EPM2A: variants seen among roughly 807,000 people sequenced by gnomAD.
EPM2A encodes the protein laforin.
Under a neutral mutation model 26.5 loss-of-function variants are expected in EPM2A, and 21 were observed. The ratio of observed to expected loss-of-function variants is 0.79; its 90% CI spans 0.56 to 1.14. The LOEUF (loss-of-function observed/expected upper bound fraction) is 1.14. Among genes scored for constraint, EPM2A ranks in the 50% most tolerant of loss-of-function variants. The pLI is 0.00. For missense variants in EPM2A, 458 were observed against 440.8 expected, an observed-to-expected ratio of 1.04 and a Z score of -0.35; for synonymous variants, 217 against 177.6, an observed-to-expected ratio of 1.22 and a Z score of -1.76.
At chr6:145,616,174 A>G (rs569241470) in intron 2 of EPM2A, among the ~76,000 whole-genome samples, 1 of 152,322 alleles carries the variant, frequency 6.6e-6, no homozygotes, top group Admixed American at 6.5e-5. Context: ...CAGGATCCCC[A>G]TGCTATGTGC....
At chr6:145,441,229 C>T (rs140538684) in intron 4 of EPM2A, among the ~76,000 whole-genome samples, 8 of 152,308 alleles carry the variant, frequency 5.3e-5, no homozygotes, top group Admixed American at 4.6e-4. Flanking sequence ...AAGCCATGGC[C>T]CAACTTGTAC....
intron 4 of EPM2A, among the ~76,000 whole-genome samples, chr6:145,389,928 T>C (rs1338405620): frequency 6.6e-6 from 1 of 152,240 alleles, no homozygotes; most frequent in Admixed American, 6.5e-5. Context: ...ATTCTCATGA[T>C]GGAACAAAAT....
intron 2 of EPM2A, among the ~76,000 whole-genome samples, chr6:145,538,127 G>A (rs1052201892): frequency 2.0e-5 from 3 of 152,084 alleles, no homozygotes; most frequent in African/African-American, 7.2e-5. Context: ...CCCAGTAATG[G>A]GATTGCTGGG....
chr6:145,735,695 G>A (rs1240068654), upstream of EPM2A: 1 of 1,046,548 alleles, frequency 9.6e-7, no homozygotes, highest in Non-Finnish European at 1.2e-6. Flanking sequence ...CCGGCGGGAA[G>A]GGGTCAGCGG....
chr6:145,536,925 T>G (rs1381256407), intron 2 of EPM2A, among the ~76,000 whole-genome samples: 3 of 152,156 alleles, frequency 2.0e-5, no homozygotes, highest in Non-Finnish European at 2.9e-5. Flanking sequence ...AGGCTTCAGG[T>G]GTGCCCTGAT....
chr6:145,422,057 G>GTATATATATA (rs67264730), intron 4 of EPM2A, among the ~76,000 whole-genome samples: 1 of 131,728 alleles, frequency 7.6e-6, no homozygotes, highest in Non-Finnish European at 1.6e-5. Context: ...ATATATGAGT[G>GTATATATATA]TATATATATA....
intron 4 of EPM2A, among the ~76,000 whole-genome samples, chr6:145,471,352 A>C (rs1029737380): frequency 6.6e-6 from 1 of 152,138 alleles, no homozygotes; most frequent in Non-Finnish European, 1.5e-5. Context: ...AGATGGTGGA[A>C]TAGAAAGCTC....
intron 4 of EPM2A, among the ~76,000 whole-genome samples, chr6:145,445,774 T>C (rs1392827049): frequency 6.6e-6 from 1 of 152,182 alleles, no homozygotes; most frequent in Non-Finnish European, 1.5e-5. Context: ...ACTTTTGATA[T>C]CTCCATGTAG....
chr6:145,415,290 T>G (rs1778693528), intron 4 of EPM2A, among the ~76,000 whole-genome samples: 1 of 152,230 alleles, frequency 6.6e-6, no homozygotes, highest in African/African-American at 2.4e-5. Context: ...TACTGTTGGC[T>G]TTCATAAAAT....
chr6:145,648,654 G>A (rs1324005387), intron 2 of EPM2A, among the ~76,000 whole-genome samples: 1 of 152,126 alleles, frequency 6.6e-6, no homozygotes. Flanking sequence ...CCTCAATTAA[G>A]TTCAGAATAT....
chr6:145,415,507 C>T (rs1778696457), intron 4 of EPM2A, among the ~76,000 whole-genome samples: 1 of 152,128 alleles, frequency 6.6e-6, no homozygotes, highest in Non-Finnish European at 1.5e-5. Flanking sequence ...CGTTTTACTT[C>T]CAGTTATTTC....
chr6:145,559,114 T>G (rs188915891), intron 2 of EPM2A, among the ~76,000 whole-genome samples: 1 of 152,260 alleles, frequency 6.6e-6, no homozygotes, highest in Non-Finnish European at 1.5e-5. Flanking sequence ...AAAGAGATCA[T>G]CAGTAACTTT....
chr6:145,627,720 T>C (rs1245967928), intron 3 of EPM2A, 27 bp from the exon 4 acceptor site: 1 of 1,612,032 alleles, frequency 6.2e-7, no homozygotes. Context: ...ACAGCACACA[T>C]GTGAATAACT....
At chr6:145,698,317 C>T (rs186043277) in intron 1 of EPM2A, among the ~76,000 whole-genome samples, 19 of 152,228 alleles carry the variant, frequency 1.2e-4, no homozygotes, top group Middle Eastern at 3.4e-3. Context: ...TCCAGTATGA[C>T]GCGTTAGCCC....
At chr6:145,612,515 C>A (rs1027368679) in intron 2 of EPM2A, among the ~76,000 whole-genome samples, 4 of 151,932 alleles carry the variant, frequency 2.6e-5, no homozygotes, top group African/African-American at 9.7e-5. Flanking sequence ...TTCATGAGGT[C>A]ATTCACTGGG....
At chr6:145,490,146 T>G (rs139289751) in intron 4 of EPM2A, 2 of 1,096,956 alleles carry the variant, frequency 1.8e-6, no homozygotes, top group Non-Finnish European at 2.7e-6. Context: ...TTTGCACACG[T>G]TTCTACTGAA....
At chr6:145,668,346 A>T (rs117443605) in intron 2 of EPM2A, among the ~76,000 whole-genome samples, 1,557 of 152,272 alleles carry the variant, frequency 0.01, 15 homozygotes, top group South Asian at 0.018. Flanking sequence ...TTAAACTACA[A>T]GGCAAATGAC....
intron 2 of EPM2A, among the ~76,000 whole-genome samples, chr6:145,558,261 C>T (rs1780757071): frequency 6.6e-6 from 1 of 151,870 alleles, no homozygotes; most frequent in Admixed American, 6.6e-5. Flanking sequence ...GATCGTGAGG[C>T]CTCTCTAGCT....
At chr6:145,620,896 C>A (rs1775619139), downstream of EPM2A, among the ~76,000 whole-genome samples, 1 of 152,196 alleles carries the variant, frequency 6.6e-6, no homozygotes. Flanking sequence ...ATGATTACCA[C>A]AATCAAGCTA....
Sources: gnomAD v4.1 joint callset for allele counts (sites outside exome capture counted in the v4.1 genomes callset) on GRCh38, gnomAD v4.1.1 for gene constraint, MANE v1.5 for transcripts, NCBI Gene and HGNC (gene_info 2026-07-23, HGNC 2026-07-21) for gene names.